Variants in NIN observed in about 807,000 individuals in gnomAD.
NIN encodes the protein glycogen synthase kinase 3 beta-interacting protein.
In NIN, 137 loss-of-function variants were observed where a neutral mutation model predicts 257.6. That is an observed-to-expected ratio of 0.53 (90% confidence interval 0.46 to 0.61). NIN has a LOEUF of 0.61. Among genes scored for constraint, NIN ranks in the 20% least tolerant of loss-of-function variants. The pLI is 0.00. For missense variants in NIN, 2,439 were observed against 2,501.2 expected (o/e 0.98, Z 0.53); for synonymous variants, 918 against 919.8 (o/e 1.00, Z 0.04).
chr14:50,748,239 C>T (rs2041639369), intron 21 of NIN, 134 bp from the exon 22 acceptor site: 3 of 571,724 alleles, frequency 5.2e-6, no homozygotes, highest in Middle Eastern at 4.1e-4. Flanking sequence ...CATTTTTTAT[C>T]GTAAAAGACT....
Position 50,744,284 on chromosome 14 carries a change from T to C in NIN, c.5146A>G (p.Lys1716Glu), listed in dbSNP as rs2041432956. 6 of 1,614,032 alleles carry C rather than the reference T, an allele frequency of 3.7e-6. No homozygotes were observed. Among genetic ancestry groups the C allele is most frequent in the Non-Finnish European group, 5.1e-6 (6 of 1,180,014 alleles). ...TTTAATTCCTCACTCAGAGCTTCCTTTTCTTTCAGCAGTTTTTCGTTGTAG... is the reference window on the plus strand; with the variant it reads ...TTTAATTCCTCACTCAGAGCTTCCTCTTCTTTCAGCAGTTTTTCGTTGTAG... ...LSYNEKLLKE[K>E]EALSEELNSC... The change falls in exon 23 of 31, where the codon AAG becomes GAG. Residue 1716 changes from lysine to glutamate, a missense_variant. Physicochemically the swap from Lys to Glu is moderately conservative, Grantham distance 56. This residue lies in a region of NIN where 2,043 missense variants were observed against 2,050.2 expected (regional missense o/e 1.00). Coordinates refer to ENST00000530997, the MANE Select transcript of NIN (RefSeq NM_020921.4).
Position 50,757,365 on chromosome 14 carries a change from T to C in NIN, c.3665A>G (p.Gln1222Arg), listed in dbSNP as rs187464517. 1.4e-4 allele frequency: 221 copies of C among 1,613,990 alleles called. 1 individual carries two copies. The Admixed American group carries it at 3.6e-3, about 26-fold the overall frequency. Residue 1222 changes from glutamine (Q) to arginine (R), a missense_variant, in exon 18 of 31, where the codon CAG becomes CGG. Physicochemically the swap from Gln to Arg is conservative, Grantham distance 43 (BLOSUM62 1). Coordinates refer to ENST00000530997, the MANE Select transcript of NIN (RefSeq NM_020921.4). ...ADCDRASEKK[Q>R]DLLFDVSVLK... ...CACAGAAACATCAAAAAGTAGGTCC[T>C]GTTTCTTTTCAGAAGCTCGATCACA...
Position 50,752,605 on chromosome 14 carries a change from C to T in NIN, c.4863G>A (p.Lys1621=), listed in dbSNP as rs2041835347. Residue 1621 remains lysine (K), a synonymous_variant, in exon 21 of 31, where the codon AAG becomes AAA. Coordinates refer to ENST00000530997, the MANE Select transcript of NIN (RefSeq NM_020921.4). ...ATGCACTGTTTCCTGGCTCTTTTTC[C>T]TTCTGGCATAGCATTTCTGTTAGAC... ...NQRLTEMLCQ[K]EKEPGNSALE... The T allele has an allele frequency of 1.9e-6, 3 of 1,613,728 alleles. No homozygotes were observed. The African/African-American group carries it at 4.0e-5, about 22-fold the overall frequency.
intron 28 of NIN, chr14:50,731,017 G>A (rs934357187): frequency 8.8e-7 from 1 of 1,139,328 alleles, no homozygotes; most frequent in Non-Finnish European, 1.2e-6. Context: ...AAGACAAAAA[G>A]AAGAGAAAAT....
chr14:50,806,865 G>T, intron 3 of NIN, 47 bp from the exon 4 acceptor site: 2 of 941,346 alleles, frequency 2.1e-6, no homozygotes, highest in Non-Finnish European at 3.3e-6. Context: ...ACAGCTCTAA[G>T]AATGCAAACC....
At chr14:50,751,821 C>T (rs1158887869) in intron 21 of NIN, among the ~76,000 whole-genome samples, 2 of 152,224 alleles carry the variant, frequency 1.3e-5, no homozygotes, top group African/African-American at 4.8e-5. Context: ...GACACCACGC[C>T]TGGCCCATTT....
intron 21 of NIN, among the ~76,000 whole-genome samples, chr14:50,751,912 T>C (rs2041804746): frequency 6.6e-6 from 1 of 152,226 alleles, no homozygotes; most frequent in Non-Finnish European, 1.5e-5. Flanking sequence ...CCCTCCATTT[T>C]TAAGAGTTCT....
At position 50,729,513 on chromosome 14, in the gene NIN, A is replaced by C; in HGVS notation, c.6078+10T>G. 1 of 1,610,392 alleles carries C rather than the reference A, an allele frequency of 6.2e-7. No individual in the cohort carries two copies. Among genetic ancestry groups the C allele is most frequent in the Non-Finnish European group, 8.5e-7 (1 of 1,177,858 alleles). ...ACAGGTGATCTACTAGAGTAGAGAG[A>C]GCTTCATACCTGTGGTGTGTTGGTT... is the stretch of plus-strand genomic sequence containing the variant. On this transcript the variant is annotated intron_variant, in intron 29 of 30. Transcript: ENST00000530997.
intron 4 of NIN, among the ~76,000 whole-genome samples, chr14:50,801,449 T>C (rs2044099143): frequency 1.3e-5 from 2 of 152,228 alleles, no homozygotes; most frequent in South Asian, 4.1e-4. Flanking sequence ...ATTTCATTGA[T>C]GCCAGCAGAA....
chr14:50,799,894 G>A (rs2044008888), intron 4 of NIN, among the ~76,000 whole-genome samples: 1 of 152,088 alleles, frequency 6.6e-6, no homozygotes, highest in Admixed American at 6.6e-5. Context: ...AGAATCGCTT[G>A]AACCCGGGAG....
chr14:50,738,507 G>A (rs1316685206), intron 26 of NIN, among the ~76,000 whole-genome samples: 2 of 152,182 alleles, frequency 1.3e-5, no homozygotes, highest in Non-Finnish European at 2.9e-5. Flanking sequence ...GAACAAGACT[G>A]GGAAGAGGGG....
At position 50,792,408 on chromosome 14, in the gene NIN, A is replaced by C. The variant is rs534457685; in HGVS notation, c.435+304T>G. The C allele has an allele frequency of 8.9e-6, 3 of 335,230 alleles. No individual in the cohort carries two copies. The South Asian group carries it at 1.5e-4, about 16-fold the overall frequency. The allele number at this position is 335,230 out of a possible 1,614,324, so 20.8% of individuals were successfully genotyped here. A position where few individuals can be genotyped will look rare whatever the true frequency, so the allele number is the denominator to read the frequency against. Reference sequence around the variant, plus strand: ...ACTAAAAATGATCATGCTATAGAGGAGAGAGATATTCAAGAACTAGAAGTG... The same window carrying C: ...ACTAAAAATGATCATGCTATAGAGGCGAGAGATATTCAAGAACTAGAAGTG... On this transcript the variant is annotated intron_variant, in intron 5 of 30. Coordinates refer to ENST00000530997, the MANE Select transcript of NIN (RefSeq NM_020921.4).
chr14:50,813,296 A>G (rs540706612), intron 3 of NIN, among the ~76,000 whole-genome samples: 2 of 152,374 alleles, frequency 1.3e-5, no homozygotes, highest in South Asian at 2.1e-4. Context: ...CAAGTTTCCA[A>G]GTTGTGCATA....
intron 4 of NIN, among the ~76,000 whole-genome samples, chr14:50,799,167 C>G (rs1229661566): frequency 6.6e-6 from 1 of 152,206 alleles, no homozygotes. Context: ...GCTTTGGAAT[C>G]AAACGGACCT....
chr14:50,777,407 G>A (rs2042965542), intron 6 of NIN, among the ~76,000 whole-genome samples: 1 of 152,092 alleles, frequency 6.6e-6, no homozygotes, highest in African/African-American at 2.4e-5. Flanking sequence ...AAAGTTCTAG[G>A]CTTGTTTTAT....
chr14:50,785,607 A>G (rs555914010), intron 5 of NIN, among the ~76,000 whole-genome samples: 3 of 152,386 alleles, frequency 2.0e-5, no homozygotes, highest in South Asian at 2.1e-4. Flanking sequence ...AGAGCAGCAC[A>G]TGTAGCTAAG....
chr14:50,814,844 A>C (rs142340557), intron 3 of NIN, among the ~76,000 whole-genome samples: 4 of 152,376 alleles, frequency 2.6e-5, no homozygotes, highest in Middle Eastern at 3.4e-3. Context: ...CCATATGCAG[A>C]AAATTGGAAC....
chr14:50,797,821 G>T (rs982440393), intron 4 of NIN, among the ~76,000 whole-genome samples: 1 of 152,068 alleles, frequency 6.6e-6, no homozygotes, highest in African/African-American at 2.4e-5. Context: ...AAAGAAGTGG[G>T]TGGGGAAACA....
At chr14:50,794,535 T>G (rs1344707108) in intron 4 of NIN, 1 of 943,452 alleles carries the variant, frequency 1.1e-6, no homozygotes, top group Non-Finnish European at 1.3e-6. Flanking sequence ...GCTAGTCAGA[T>G]AAGAGGCAAT....
Sources: allele counts gnomAD v4.1 joint callset (sites outside exome capture counted in the v4.1 genomes callset), GRCh38; gene constraint gnomAD v4.1.1; regional missense constraint gnomAD v4.1.1; transcripts MANE v1.5; gene names NCBI Gene and HGNC (gene_info 2026-07-23, HGNC 2026-07-21).